Variants in SETD5 observed in about 807,000 individuals in gnomAD.
SETD5 encodes the protein SET domain containing 5.
In SETD5, 44 loss-of-function variants were observed where a neutral mutation model predicts 153.3. The observed-to-expected ratio is 0.29, with a 90% CI of 0.23 to 0.37. The LOEUF (loss-of-function observed/expected upper bound fraction) is 0.37, where lower values mean the gene tolerates loss of function less well. Among genes scored for constraint, SETD5 ranks in the 10% least tolerant of loss-of-function variants. SETD5 has a pLI of 1.00. For synonymous variants in SETD5, 716 were observed against 645.2 expected, an observed-to-expected ratio of 1.11 and a Z score of -1.66; for missense variants, 1,544 against 1,768.0, an observed-to-expected ratio of 0.87 and a Z score of 2.27.
At chr3:9,438,851 C>T (rs2040921515) in intron 7 of SETD5, among the ~76,000 whole-genome samples, 1 of 152,210 alleles carries the variant, frequency 6.6e-6, no homozygotes, top group African/African-American at 2.4e-5. Context: ...CACTCATACA[C>T]TCAGTTGAGA....
intron 17 of SETD5, among the ~76,000 whole-genome samples, chr3:9,461,043 A>T (rs1480802402): frequency 6.6e-6 from 1 of 152,152 alleles, no homozygotes; most frequent in East Asian, 1.9e-4. Context: ...GGGAAAATAC[A>T]TTTGTAATTT....
At chr3:9,442,780 G>A in intron 10 of SETD5, 1 of 168,314 alleles carries the variant, frequency 5.9e-6, no homozygotes, top group Non-Finnish European at 1.3e-5. Context: ...GCTCATGCCT[G>A]TAATCCCAGC....
chr3:9,463,455 ATT>A (rs905323269), intron 17 of SETD5, among the ~76,000 whole-genome samples: 5 of 152,358 alleles, frequency 3.3e-5, no homozygotes, highest in Non-Finnish European at 7.3e-5. Flanking sequence ...ATAAAACTGT[ATT>A]TTTATTCTGA....
At position 9,434,421 on chromosome 3, in the gene SETD5, G is replaced by A. The variant is rs1174695466; in HGVS notation, c.265G>A (p.Val89Ile). 5 of 1,613,852 alleles carry A rather than the reference G, an allele frequency of 3.1e-6. No individual in the cohort carries two copies. Among genetic ancestry groups the A allele is most frequent in the Non-Finnish European group, 3.4e-6 (4 of 1,179,896 alleles). Residue 89 changes from valine to isoleucine, a missense_variant, in exon 5 of 23, where the codon GTA becomes ATA. Physicochemically the swap from Val to Ile is conservative, Grantham distance 29. Around this residue, in one of 9 missense-constraint regions of SETD5, gnomAD observed 251 missense variants for 326.9 expected, o/e 0.77. Coordinates refer to ENST00000402198, the MANE Select transcript of SETD5 (RefSeq NM_001080517.3). The surrounding 1 kb of genome is among the most constrained non-coding windows in gnomAD (Gnocchi z 5.6). ...GDSPNSEGET[V>I]PTWCPCGLSQ... ...CAGCCCGAACTCTGAAGGAGAAACT[G>A]TACCTACCTGGTGTCCTTGTGGTCT...
intron 1 of SETD5, among the ~76,000 whole-genome samples, chr3:9,418,437 G>T (rs2037874440): frequency 6.6e-6 from 1 of 152,188 alleles, no homozygotes; most frequent in Non-Finnish European, 1.5e-5. Flanking sequence ...TCTGAATATT[G>T]CTTCAGCTAG....
chr3:9,444,928 A>G (rs1016806557), intron 11 of SETD5, 120 bp from the exon 12 acceptor site: 8 of 1,318,510 alleles, frequency 6.1e-6, no homozygotes, highest in Non-Finnish European at 8.4e-6. Flanking sequence ...TCTCTGTTTA[A>G]CTTATTCAGA....
rs566237019 is a variant in SETD5 at position 9,410,379 on chromosome 3, C to T, written c.-177+12402C>T. Among the ~76,000 whole-genome samples the T allele has an allele frequency of 2.6e-5, 4 of 152,246 alleles. No homozygotes were observed. In the South Asian group the frequency reaches 8.3e-4, roughly 32 times the overall value. ...GAAATGTCGTTATGTGGCACATGAC[C>T]ATATATAGTCAGATTACAGTATTTT... On this transcript the variant is annotated intron_variant, in intron 1 of 22. Coordinates refer to ENST00000402198, the MANE Select transcript of SETD5 (RefSeq NM_001080517.3).
chr3:9,460,263 TAAAA>T (rs373419555), intron 17 of SETD5, among the ~76,000 whole-genome samples: 2 of 143,854 alleles, frequency 1.4e-5, no homozygotes, highest in African/African-American at 5.1e-5. Context: ...TTCATAGTAG[TAAAA>T]AAAAAAAACT....
Position 9,476,026 on chromosome 3 carries a change from G to A in SETD5, c.4264G>A (p.Val1422Met), listed in dbSNP as rs752605380. ...QHYPHRGSGG[V>M]HQYRLQPLQG... ...CTACCCACACCGTGGGAGTGGGGGTGTGCACCAGTACCGACTCCAGCCACT... is the reference window on the plus strand; with the variant it reads ...CTACCCACACCGTGGGAGTGGGGGTATGCACCAGTACCGACTCCAGCCACT... Residue 1422 changes from valine (V) to methionine (M), a missense_variant, in exon 23 of 23, where the codon GTG becomes ATG. Physicochemically the swap from Val to Met is conservative, Grantham distance 21. Transcript: ENST00000402198. 4.3e-6 allele frequency: 7 copies of A among 1,613,890 alleles called. No individual in the cohort carries two copies. Among genetic ancestry groups the A allele is most frequent in the African/African-American group, 4.0e-5 (3 of 74,940 alleles).
intron 1 of SETD5, among the ~76,000 whole-genome samples, chr3:9,411,765 C>T (rs1022653683): frequency 6.6e-6 from 1 of 152,142 alleles, no homozygotes; most frequent in Non-Finnish European, 1.5e-5. Flanking sequence ...TAAACTCTGT[C>T]TGAACTTTAC....
intron 1 of SETD5, among the ~76,000 whole-genome samples, chr3:9,408,757 TAGATC>T (rs1232767153): frequency 6.6e-6 from 1 of 152,190 alleles, no homozygotes; most frequent in Non-Finnish European, 1.5e-5. Flanking sequence ...ATTCATTGCC[TAGATC>T]AAACTTTGTG....
At chr3:9,442,077 T>C (rs918138455) in intron 9 of SETD5, 51 bp from the exon 10 acceptor site, 13 of 1,211,564 alleles carry the variant, frequency 1.1e-5, no homozygotes, top group Non-Finnish European at 1.6e-5. Context: ...AGTCATGGGG[T>C]GGCCTTCTTA....
At position 9,434,908 on chromosome 3, in the gene SETD5, C is replaced by T. The variant is rs2040374738; in HGVS notation, c.388+26C>T. The T allele has an allele frequency of 6.2e-7, 1 of 1,606,578 alleles. No individual in the cohort carries two copies. The highest frequency in any genetic ancestry group is 1.3e-5 in the African/African-American group (1 of 74,614). On this transcript the variant is annotated intron_variant, in intron 6 of 22. Coordinates refer to ENST00000402198, the MANE Select transcript of SETD5 (RefSeq NM_001080517.3). The surrounding 1 kb of genome is among the most constrained non-coding windows in gnomAD (Gnocchi z 5.6). ...GTGAGCGGAAGATGGGTTAGGTCCACAATTTGACATAAAAATATTCTGTGA... is the reference window on the plus strand; with the variant it reads ...GTGAGCGGAAGATGGGTTAGGTCCATAATTTGACATAAAAATATTCTGTGA...
chr3:9,455,348 C>T (rs549461802), intron 17 of SETD5, among the ~76,000 whole-genome samples: 6 of 151,392 alleles, frequency 4.0e-5, no homozygotes, highest in East Asian at 1.9e-4. Flanking sequence ...TCAGGAGATC[C>T]GCCCACCTCG....
At chr3:9,433,688 C>A in intron 3 of SETD5, 157 bp from the exon 4 acceptor site, 1 of 878,550 alleles carries the variant, frequency 1.1e-6, no homozygotes, top group Non-Finnish European at 1.7e-6. Flanking sequence ...TATTTATAGG[C>A]TTAGTTATGT....
chr3:9,425,155 G>A (rs554843078), intron 2 of SETD5, among the ~76,000 whole-genome samples: 4 of 146,970 alleles, frequency 2.7e-5, no homozygotes, highest in South Asian at 2.1e-4. Flanking sequence ...TCCGGCTCCC[G>A]GGTTCAAGCG....
chr3:9,415,057 C>A (rs1575230613), intron 1 of SETD5, among the ~76,000 whole-genome samples: 1 of 152,062 alleles, frequency 6.6e-6, no homozygotes, highest in East Asian at 1.9e-4. Context: ...TCTGATATGA[C>A]AGGAAAACTA....
At chr3:9,443,496 CTT>C (rs1198677454) in intron 11 of SETD5, 79 bp downstream of exon 11, 2 of 738,710 alleles carry the variant, frequency 2.7e-6, no homozygotes, top group East Asian at 6.9e-5. Flanking sequence ...AAAGTCTGCT[CTT>C]GTTTCTTGCC....
chr3:9,448,296 T>C (rs2042246451), intron 15 of SETD5, 92 bp from the exon 16 acceptor site: 6 of 1,503,258 alleles, frequency 4.0e-6, no homozygotes, highest in Non-Finnish European at 5.3e-6. Context: ...CTGCTGCATC[T>C]CCTCCTGTCC....
Sources: allele counts gnomAD v4.1 joint callset (sites outside exome capture counted in the v4.1 genomes callset), GRCh38; gene constraint gnomAD v4.1.1; regional missense constraint gnomAD v4.1.1; non-coding constraint Gnocchi (gnomAD v3.1); transcripts MANE v1.5; gene names NCBI Gene and HGNC (gene_info 2026-07-23, HGNC 2026-07-21).